The following HMGA1 variants were observed in gnomAD, a reference collection of about 807,000 sequenced individuals.
The protein encoded by HMGA1 is high mobility group protein HMG-I/HMG-Y.
In HMGA1, 1 loss-of-function variant was observed where a neutral mutation model predicts 15.1. The observed-to-expected ratio is 0.07, with a 90% CI of 0.02 to 0.31. The LOEUF (loss-of-function observed/expected upper bound fraction) is 0.31, where lower values mean the gene tolerates loss of function less well. Among genes scored for constraint, HMGA1 ranks in the 10% least tolerant of loss-of-function variants. HMGA1 has a pLI of 1.00. For synonymous variants in HMGA1, 56 were observed against 54.8 expected, an observed-to-expected ratio of 1.02 and a Z score of -0.10; for missense variants, 94 against 141.4, an observed-to-expected ratio of 0.66 and a Z score of 1.70.
chr6:34,242,452 A>T (rs1283787826), intron 3 of HMGA1, among the ~76,000 whole-genome samples: 2 of 152,198 alleles, frequency 1.3e-5, no homozygotes, highest in Non-Finnish European at 2.9e-5. Flanking sequence ...CTGTCCCCAG[A>T]ATGCCTTTCC....
intron 2 of HMGA1, among the ~76,000 whole-genome samples, chr6:34,239,400 C>T (rs1762113626): frequency 6.6e-6 from 1 of 152,170 alleles, no homozygotes; most frequent in African/African-American, 2.4e-5. Flanking sequence ...TGAGTCACCT[C>T]ACCTGGCCCA....
chr6:34,237,866 C>T (rs1761935820), intron 2 of HMGA1, among the ~76,000 whole-genome samples: 1 of 152,082 alleles, frequency 6.6e-6, no homozygotes, highest in African/African-American at 2.4e-5. Flanking sequence ...CTCGCGCCCC[C>T]TCCGCAGATG....
chr6:34,243,380 A>G (rs1022237799), intron 4 of HMGA1, 88 bp from the exon 5 acceptor site: 6 of 998,090 alleles, frequency 6.0e-6, no homozygotes, highest in Non-Finnish European at 9.4e-6. Flanking sequence ...CTGAACAGGC[A>G]GGTAGGTCTG....
intron 3 of HMGA1, 128 bp downstream of exon 3, chr6:34,241,043 GT>G: frequency 1.8e-6 from 2 of 1,082,566 alleles, no homozygotes; most frequent in Non-Finnish European, 2.7e-6. Flanking sequence ...GCGTGTGGGT[GT>G]GTCCTCCCAC....
At chr6:34,239,289 T>G (rs1304020161) in intron 2 of HMGA1, among the ~76,000 whole-genome samples, 2 of 151,660 alleles carry the variant, frequency 1.3e-5, no homozygotes, top group Non-Finnish European at 1.5e-5. Context: ...TTCTTTTAAA[T>G]TAGACATGGG....
In HMGA1 at chr6:34,237,278, A is replaced by C. The variant is rs949307113; in HGVS notation, c.-84A>C. ...AGCGCCCAGCACCGCCGCTCCCGGCAACCCGGAGCGCGCACCGCAGGCCGG... is the reference window on the plus strand; with the variant it reads ...AGCGCCCAGCACCGCCGCTCCCGGCCACCCGGAGCGCGCACCGCAGGCCGG... On this transcript the variant is annotated 5_prime_UTR_variant, in exon 2 of 6. Transcript: ENST00000311487. 31 of 147,838 alleles carry C rather than the reference A, an allele frequency of 2.1e-4. 1 individual carries two copies. Among genetic ancestry groups the C allele is most frequent in the African/African-American group, 7.6e-4 (31 of 40,780 alleles). The allele number at this position is 147,838 out of a possible 1,614,324, so 9.2% of individuals were successfully genotyped here. A position where few individuals can be genotyped will look rare whatever the true frequency, so the allele number is the denominator to read the frequency against.
chr6:34,237,888 C>T (rs2127537600), intron 2 of HMGA1, among the ~76,000 whole-genome samples: 1 of 152,150 alleles, frequency 6.6e-6, no homozygotes, highest in East Asian at 1.9e-4. Context: ...GGCCGGAGCG[C>T]GGGCCTGGGT....
At position 34,242,704 on chromosome 6, in the gene HMGA1, CT is replaced by C. The variant is rs1762402948; in HGVS notation, c.136-5del. On this transcript the variant is annotated splice_region_variant and splice_polypyrimidine_tract_variant and intron_variant, in intron 3 of 5. Transcript: ENST00000311487. ...GACTGTCCCTGACTACCCCCTCTGT[CT>C]TTACAGAAGGAGCCCAGCGAAGTGC... 7 of 1,566,518 alleles carry C rather than the reference CT, an allele frequency of 4.5e-6. No homozygotes were observed. The highest frequency in any genetic ancestry group is 6.1e-6 in the Non-Finnish European group (7 of 1,153,018).
At chr6:34,240,166 C>G (rs999830895) in intron 2 of HMGA1, among the ~76,000 whole-genome samples, 2 of 152,200 alleles carry the variant, frequency 1.3e-5, no homozygotes, top group Non-Finnish European at 2.9e-5. Context: ...GGGCACCACC[C>G]CTGGCTGTGT....
Position 34,245,427 on chromosome 6 carries a change from C to G in HMGA1, c.*543C>G, listed in dbSNP as rs773666182. The G allele has an allele frequency of 3.7e-5, 50 of 1,365,208 alleles. 1 individual carries two copies. In the African/African-American group the frequency reaches 6.9e-4, roughly 19 times the overall value. The allele number at this position is 1,365,208 out of a possible 1,614,324, so 84.6% of individuals were successfully genotyped here. A position where few individuals can be genotyped will look rare whatever the true frequency, so the allele number is the denominator to read the frequency against. On this transcript the variant is annotated 3_prime_UTR_variant, in exon 6 of 6. Coordinates refer to ENST00000311487, the MANE Select transcript of HMGA1 (RefSeq NM_145899.3). ...GGGGTGCTGGCCCCCAGGATTCCCC[C>G]AGCCAAACTGTCTTTGTCACCACGT...
At chr6:34,244,126 C>T (rs1483655540) in intron 5 of HMGA1, among the ~76,000 whole-genome samples, 1 of 151,688 alleles carries the variant, frequency 6.6e-6, no homozygotes, top group Non-Finnish European at 1.5e-5. Flanking sequence ...CAGCCTGCCC[C>T]CTCAAATCCC....
intron 5 of HMGA1, 109 bp downstream of exon 5, chr6:34,243,627 CCTG>C (rs1762477534): frequency 1.1e-6 from 1 of 898,362 alleles, no homozygotes; most frequent in African/African-American, 1.7e-5. Flanking sequence ...CTCTCCTTGA[CCTG>C]CTGGGACATC....
chr6:34,237,599 C>T (rs1160314233), intron 2 of HMGA1, among the ~76,000 whole-genome samples: 4 of 146,878 alleles, frequency 2.7e-5, no homozygotes, highest in African/African-American at 7.4e-5. Flanking sequence ...GGGGAGGGGG[C>T]GCGCAGCTGC....
chr6:34,241,639 G>A (rs1051884925), intron 3 of HMGA1, among the ~76,000 whole-genome samples: 7 of 152,212 alleles, frequency 4.6e-5, no homozygotes, highest in African/African-American at 1.7e-4. Flanking sequence ...TAGGGAGCAT[G>A]GCCATTTGGG....
rs748922683 is a variant in HMGA1 at position 34,245,362 on chromosome 6, A to C, written c.*478A>C. The C allele has an allele frequency of 7.4e-7, 1 of 1,357,924 alleles. No homozygotes were observed. Among genetic ancestry groups the C allele is most frequent in the South Asian group, 1.3e-5 (1 of 79,958 alleles). 84.1% of individuals were successfully genotyped at this position (1,357,924 alleles called of 1,614,324 possible). ...GCCCCATCTCATCCTGGCACGCCCT[A>C]CTCCACTGCCCTGGCAGCAGCAGGT... On this transcript the variant is annotated 3_prime_UTR_variant, in exon 6 of 6. Transcript: ENST00000311487.
At chr6:34,237,733 C>T (rs1761916129) in intron 2 of HMGA1, among the ~76,000 whole-genome samples, 1 of 151,064 alleles carries the variant, frequency 6.6e-6, no homozygotes, top group Admixed American at 6.6e-5. Context: ...CGGGGAGAGA[C>T]ACGGGCTGCG....
At chr6:34,242,674 G>C in intron 3 of HMGA1, 38 bp from the exon 4 acceptor site, 1 of 1,412,718 alleles carries the variant, frequency 7.1e-7, no homozygotes. Context: ...GTGGAAACAG[G>C]TGATGACTGT....
At chr6:34,243,837 C>T (rs1012076947) in intron 5 of HMGA1, among the ~76,000 whole-genome samples, 2 of 152,102 alleles carry the variant, frequency 1.3e-5, no homozygotes, top group Non-Finnish European at 2.9e-5. Context: ...TAGCCTGTGT[C>T]CCCCTCAATT....
At chr6:34,239,934 A>G (rs1762160115) in intron 2 of HMGA1, among the ~76,000 whole-genome samples, 1 of 152,088 alleles carries the variant, frequency 6.6e-6, no homozygotes, top group South Asian at 2.1e-4. Flanking sequence ...TAGGCGGTGC[A>G]TTTCAGTTGG....
Sources: gnomAD v4.1 joint callset for allele counts (sites outside exome capture counted in the v4.1 genomes callset) on GRCh38, gnomAD v4.1.1 for gene constraint, MANE v1.5 for transcripts, NCBI Gene and HGNC (gene_info 2026-07-23, HGNC 2026-07-21) for gene names.